HOMER1: variants seen among roughly 807,000 people sequenced by gnomAD.
The protein encoded by HOMER1 is homer protein homolog 1.
In HOMER1, 3 loss-of-function variants were observed where a neutral mutation model predicts 48.9. The ratio of observed to expected loss-of-function variants is 0.06; its 90% CI spans 0.03 to 0.16. The LOEUF (loss-of-function observed/expected upper bound fraction) is 0.16, where lower values mean the gene tolerates loss of function less well. Among genes scored for constraint, HOMER1 ranks in the 10% least tolerant of loss-of-function variants. The probability of loss-of-function intolerance (pLI) is 1.00; values close to 1 mark genes in which losing one functional copy is unlikely to be tolerated. For synonymous variants in HOMER1, 134 were observed against 146.4 expected (o/e 0.92, Z 0.61); for missense variants, 247 against 411.4 (o/e 0.60, Z 3.46).
chr5:79,388,112 C>A (rs1373886108), intron 8 of HOMER1, among the ~76,000 whole-genome samples: 2 of 151,580 alleles, frequency 1.3e-5, no homozygotes, highest in African/African-American at 4.9e-5. Flanking sequence ...TGCCAGAATA[C>A]TGAAAAAAAA....
intron 1 of HOMER1, among the ~76,000 whole-genome samples, chr5:79,494,690 G>A (rs950738382): frequency 3.9e-5 from 6 of 152,316 alleles, no homozygotes; most frequent in South Asian, 4.1e-4. Flanking sequence ...CCAACATGGT[G>A]AAACTCTATC....
At chr5:79,418,827 T>C (rs1054241119) in intron 5 of HOMER1, among the ~76,000 whole-genome samples, 1 of 152,186 alleles carries the variant, frequency 6.6e-6, no homozygotes, top group East Asian at 1.9e-4. Context: ...TCTGTTACCT[T>C]AGGGGTAATT....
intron 5 of HOMER1, among the ~76,000 whole-genome samples, chr5:79,428,803 G>C (rs1750342806): frequency 1.3e-5 from 2 of 152,160 alleles, no homozygotes; most frequent in African/African-American, 2.4e-5. Context: ...TGGGAAAACA[G>C]CTCAAGTTCA....
rs1341839483 is a variant in HOMER1 at position 79,513,591 on chromosome 5, C to G, written c.-817G>C. On this transcript the variant is annotated 5_prime_UTR_variant, in exon 1 of 9. Transcript: ENST00000334082. ...ACCTCCCTCAGCCCCTTCCCGCCCC[C>G]CGCCGCCGAGCACAATGGAGCCCGG... is the stretch of plus-strand genomic sequence containing the variant. The G allele has an allele frequency of 1.3e-5, 2 of 152,396 alleles. No individual in the cohort carries two copies. Among genetic ancestry groups the G allele is most frequent in the Admixed American group, 6.5e-5 (1 of 15,282 alleles). 9.4% of individuals were successfully genotyped at this position (152,396 alleles called of 1,614,324 possible). A position where few individuals can be genotyped will look rare whatever the true frequency, so the allele number is the denominator to read the frequency against.
chr5:79,465,584 C>CTT (rs10666507), intron 1 of HOMER1, among the ~76,000 whole-genome samples: 10,022 of 77,864 alleles, frequency 0.13, 2,057 homozygotes, highest in East Asian at 0.23. Context: ...TACATTTCTT[C>CTT]TTTTTTTTTT....
intron 5 of HOMER1, among the ~76,000 whole-genome samples, chr5:79,429,827 T>G (rs538013856): frequency 6.6e-6 from 1 of 152,076 alleles, no homozygotes; most frequent in South Asian, 2.1e-4. Flanking sequence ...ATCAAAACCA[T>G]CCTGGCTAAC....
chr5:79,471,025 T>C (rs1226355531), intron 1 of HOMER1, among the ~76,000 whole-genome samples: 1 of 152,030 alleles, frequency 6.6e-6, no homozygotes, highest in Non-Finnish European at 1.5e-5. Flanking sequence ...CAACCTAGCA[T>C]TGAAATACTC....
chr5:79,401,121 T>G (rs887974165), intron 6 of HOMER1, among the ~76,000 whole-genome samples: 3 of 151,882 alleles, frequency 2.0e-5, no homozygotes, highest in Admixed American at 6.6e-5. Flanking sequence ...AGTTAATAAT[T>G]TTCTACTTGT....
intron 1 of HOMER1, among the ~76,000 whole-genome samples, chr5:79,465,584 C>CTTCTTTTTTTTT (rs1751438018): frequency 2.6e-5 from 2 of 77,892 alleles, no homozygotes; most frequent in African/African-American, 1.2e-4. Flanking sequence ...TACATTTCTT[C>CTTCTTTTTTTTT]TTTTTTTTTT....
At chr5:79,406,645 A>T (rs1053206451) in intron 5 of HOMER1, among the ~76,000 whole-genome samples, 1 of 152,360 alleles carries the variant, frequency 6.6e-6, no homozygotes, top group South Asian at 2.1e-4. Context: ...TGGGAGAAGG[A>T]TACCCCTAAA....
chr5:79,489,081 CAG>C (rs1454786812), intron 1 of HOMER1, among the ~76,000 whole-genome samples: 1 of 152,160 alleles, frequency 6.6e-6, no homozygotes, highest in East Asian at 1.9e-4. Flanking sequence ...GAAACATACA[CAG>C]ACTCTATTCT....
intron 5 of HOMER1, among the ~76,000 whole-genome samples, chr5:79,411,474 G>A (rs1749812830): frequency 6.6e-6 from 1 of 152,104 alleles, no homozygotes; most frequent in South Asian, 2.1e-4. Context: ...GACAAAGGGA[G>A]ACCCTGACTC....
chr5:79,501,251 G>A (rs936831699), intron 1 of HOMER1, among the ~76,000 whole-genome samples: 3 of 152,174 alleles, frequency 2.0e-5, no homozygotes, highest in Admixed American at 1.3e-4. Context: ...GATTACAGGC[G>A]TGAGCCACCA....
chr5:79,501,215 C>T (rs140626680), intron 1 of HOMER1, among the ~76,000 whole-genome samples: 1 of 152,128 alleles, frequency 6.6e-6, no homozygotes, highest in Non-Finnish European at 1.5e-5. Flanking sequence ...AAGCCATCTG[C>T]CTGCCTGGGC....
chr5:79,378,483 G>T (rs968922407), intron 8 of HOMER1, among the ~76,000 whole-genome samples: 22 of 152,110 alleles, frequency 1.4e-4, no homozygotes, highest in Non-Finnish European at 2.2e-4. Context: ...GCAAGGTCAA[G>T]ATAAGTAAAT....
chr5:79,453,175 G>A (rs1288433192), intron 2 of HOMER1, among the ~76,000 whole-genome samples: 1 of 152,156 alleles, frequency 6.6e-6, no homozygotes, highest in Non-Finnish European at 1.5e-5. Context: ...ACCAGGATGT[G>A]ACAGAGTGAA....
intron 1 of HOMER1, among the ~76,000 whole-genome samples, chr5:79,507,442 CA>C (rs777622977): frequency 3.9e-4 from 60 of 152,004 alleles, no homozygotes; most frequent in Non-Finnish European, 6.9e-4. Context: ...TTTTCAAAAA[CA>C]AACAGAAATA....
chr5:79,451,635 G>C (rs559603533), intron 2 of HOMER1, among the ~76,000 whole-genome samples: 4 of 136,566 alleles, frequency 2.9e-5, no homozygotes, highest in Non-Finnish European at 6.0e-5. Flanking sequence ...GCGTGATCTC[G>C]GCTAACTGCA....
intron 8 of HOMER1, among the ~76,000 whole-genome samples, chr5:79,380,077 G>GCAAGGAA (rs924369087): frequency 6.6e-6 from 1 of 152,174 alleles, no homozygotes; most frequent in Non-Finnish European, 1.5e-5. Flanking sequence ...AATACCTAAA[G>GCAAGGAA]CAAGGAAGAA....
Sources: allele counts gnomAD v4.1 joint callset (sites outside exome capture counted in the v4.1 genomes callset), GRCh38; gene constraint gnomAD v4.1.1; transcripts MANE v1.5; gene names NCBI Gene and HGNC (gene_info 2026-07-23, HGNC 2026-07-21).